The following PLPPR1 variants were observed in gnomAD, a reference collection of about 807,000 sequenced individuals.
The protein encoded by PLPPR1 is phospholipid phosphatase related 1, also known as phospholipid phosphatase-related protein type 1.
PLPPR1 carries 10 observed loss-of-function variants against 33.1 expected under a neutral mutation model. The observed-to-expected ratio is 0.30, with a 90% confidence interval of 0.19 to 0.51. PLPPR1 has a LOEUF of 0.51. Among genes scored for constraint, PLPPR1 ranks in the 20% least tolerant of loss-of-function variants. PLPPR1 has a pLI of 0.97. For synonymous variants in PLPPR1, 151 were observed against 151.0 expected (o/e 1.00, Z 0.00); for missense variants, 304 against 408.1 (o/e 0.74, Z 2.20).
chr9:101,052,893 T>C (rs1467992970), intron 1 of PLPPR1, among the ~76,000 whole-genome samples: 2 of 152,234 alleles, frequency 1.3e-5, no homozygotes, highest in Non-Finnish European at 2.9e-5. Context: ...GGGAGGCAAC[T>C]GGACTCAGTC....
chr9:101,246,055 AATATATATATAT>A (rs58070017), intron 2 of PLPPR1, among the ~76,000 whole-genome samples: 3,822 of 85,498 alleles, frequency 0.045, 201 homozygotes, highest in South Asian at 0.12. Flanking sequence ...ATTGAATATG[AATATATATATAT>A]ATATATATAT....
chr9:101,323,521 G>A (rs1430430056), intron 7 of PLPPR1, among the ~76,000 whole-genome samples: 1 of 149,020 alleles, frequency 6.7e-6, no homozygotes, highest in Non-Finnish European at 1.5e-5. Flanking sequence ...TATTTTGGAT[G>A]AAAAATCAGG....
At chr9:101,225,269 T>A (rs1451613238) in intron 2 of PLPPR1, among the ~76,000 whole-genome samples, 3 of 152,182 alleles carry the variant, frequency 2.0e-5, no homozygotes, top group Non-Finnish European at 4.4e-5. Flanking sequence ...CTTAAGTGAG[T>A]AGGATCATTA....
In PLPPR1 at chr9:101,069,160, T is replaced by C. The variant is rs137960813; in HGVS notation, c.-46+40058T>C. ...TTAGGAAAAAAAAAAGCTGTGATGC[T>C]GCAAAACTCATATTAAAATCTACAG... On this transcript the variant is annotated intron_variant, in intron 1 of 7. Coordinates refer to ENST00000374874, the MANE Select transcript of PLPPR1 (RefSeq NM_207299.2). Among the ~76,000 whole-genome samples, 793 of 151,406 alleles carry C rather than the reference T, an allele frequency of 5.2e-3. 1 individual carries two copies. The highest frequency in any genetic ancestry group is 0.01 in the Middle Eastern group (3 of 294).
chr9:101,044,429 T>C (rs932243149), intron 1 of PLPPR1, among the ~76,000 whole-genome samples: 2 of 152,136 alleles, frequency 1.3e-5, no homozygotes, highest in African/African-American at 4.8e-5. Context: ...AAAGTTCTGA[T>C]TGTAAGCCTT....
intron 1 of PLPPR1, among the ~76,000 whole-genome samples, chr9:101,067,205 A>G (rs536379471): frequency 6.7e-6 from 1 of 148,644 alleles, no homozygotes; most frequent in East Asian, 2.1e-4. Flanking sequence ...ACTGAACAAT[A>G]TAATATTTCT....
intron 1 of PLPPR1, among the ~76,000 whole-genome samples, chr9:101,088,962 A>G (rs984404307): frequency 6.6e-6 from 1 of 152,180 alleles, no homozygotes; most frequent in Non-Finnish European, 1.5e-5. Flanking sequence ...TACTCAGCTG[A>G]TGAAACAAAT....
intron 2 of PLPPR1, among the ~76,000 whole-genome samples, chr9:101,229,561 T>A (rs1486897294): frequency 6.6e-6 from 1 of 152,186 alleles, no homozygotes; most frequent in Non-Finnish European, 1.5e-5. Flanking sequence ...GATTTCATGC[T>A]GTATTTCACA....
At position 101,272,567 on chromosome 9, in the gene PLPPR1, A is replaced by C. The variant is rs181980122; in HGVS notation, c.252+2499A>C. Among the ~76,000 whole-genome samples, 7 of 152,354 alleles carry C rather than the reference A, an allele frequency of 4.6e-5. No homozygotes were observed. The East Asian group carries it at 1.3e-3, about 29-fold the overall frequency. On this transcript the variant is annotated intron_variant, in intron 3 of 7. Transcript: ENST00000374874. ...AAGACTGCAAAAAAGTTTGCCACAT[A>C]GGAGACTCAAATGTAAATACCCTTA...
chr9:101,167,939 G>A (rs532172712), intron 1 of PLPPR1, among the ~76,000 whole-genome samples: 1 of 152,272 alleles, frequency 6.6e-6, no homozygotes, highest in African/African-American at 2.4e-5. Context: ...CAAAGGCAAA[G>A]GAGGAGCAAA....
At chr9:101,069,643 G>A (rs1326170570) in intron 1 of PLPPR1, among the ~76,000 whole-genome samples, 1 of 152,100 alleles carries the variant, frequency 6.6e-6, no homozygotes, top group Non-Finnish European at 1.5e-5. Context: ...AGTATTGTTG[G>A]TGGGAAAGGC....
At chr9:101,193,084 A>C (rs7036887) in intron 2 of PLPPR1, among the ~76,000 whole-genome samples, 8 of 152,236 alleles carry the variant, frequency 5.3e-5, no homozygotes, top group African/African-American at 1.7e-4. Flanking sequence ...AGGCTCTACA[A>C]GTAGAGTATT....
At chr9:101,176,197 G>T (rs1564166340) in intron 1 of PLPPR1, among the ~76,000 whole-genome samples, 1 of 152,112 alleles carries the variant, frequency 6.6e-6, no homozygotes, top group Non-Finnish European at 1.5e-5. Context: ...AAACACCACA[G>T]AAAAAACTGA....
chr9:101,286,594 C>T (rs914847187), intron 4 of PLPPR1, among the ~76,000 whole-genome samples: 1 of 152,138 alleles, frequency 6.6e-6, no homozygotes, highest in African/African-American at 2.4e-5. Flanking sequence ...AGTCAAATTT[C>T]CTGACAGACT....
intron 6 of PLPPR1, among the ~76,000 whole-genome samples, chr9:101,313,196 G>T (rs1828991718): frequency 6.6e-6 from 1 of 152,178 alleles, no homozygotes; most frequent in Admixed American, 6.5e-5. Context: ...GGCAGGGAGA[G>T]AATTGCCCCT....
At chr9:101,261,699 A>G (rs1564019853) in intron 2 of PLPPR1, among the ~76,000 whole-genome samples, 2 of 152,198 alleles carry the variant, frequency 1.3e-5, no homozygotes. Context: ...CTTCGCCGGA[A>G]CATGGATAGA....
chr9:101,058,676 C>A (rs952209540), intron 1 of PLPPR1, among the ~76,000 whole-genome samples: 4 of 152,026 alleles, frequency 2.6e-5, no homozygotes, highest in African/African-American at 9.7e-5. Flanking sequence ...TTCTAATTTT[C>A]TATGCCATCT....
chr9:101,093,299 T>A (rs1830772095), intron 1 of PLPPR1, among the ~76,000 whole-genome samples: 1 of 152,198 alleles, frequency 6.6e-6, no homozygotes, highest in African/African-American at 2.4e-5. Flanking sequence ...CACTCTCAGT[T>A]ATTAATAGGC....
chr9:101,241,588 C>T (rs914317382), intron 2 of PLPPR1, among the ~76,000 whole-genome samples: 4 of 151,758 alleles, frequency 2.6e-5, no homozygotes, highest in African/African-American at 9.7e-5. Flanking sequence ...TGACTGGGGA[C>T]ACCTAAGAAT....
Sources: gnomAD v4.1 joint callset for allele counts (sites outside exome capture counted in the v4.1 genomes callset) on GRCh38, gnomAD v4.1.1 for gene constraint, MANE v1.5 for transcripts, NCBI Gene and HGNC (gene_info 2026-07-23, HGNC 2026-07-21) for gene names.